The following ZNF253 variants were observed in gnomAD, a reference collection of about 807,000 sequenced individuals.
The protein encoded by ZNF253 is zinc finger protein 253, also known as DNA-binding protein.
Under a neutral mutation model 11.9 loss-of-function variants are expected in ZNF253, and 8 were observed. The ratio of observed to expected loss-of-function variants is 0.67; its 90% CI spans 0.40 to 1.22. The LOEUF is 1.22. ZNF253 is among the 50% of genes most tolerant of loss of function. The pLI, the probability that ZNF253 is intolerant of heterozygous loss-of-function variation, is 0.01. For synonymous variants in ZNF253, 194 were observed against 194.9 expected (o/e 1.00, Z 0.04); for missense variants, 485 against 586.9 (o/e 0.83, Z 1.79).
At chr19:19,875,110 A>AGTATC (rs2063149851) in intron 1 of ZNF253, among the ~76,000 whole-genome samples, 1 of 152,128 alleles carries the variant, frequency 6.6e-6, no homozygotes, top group Non-Finnish European at 1.5e-5. Flanking sequence ...GTCTTGCCTC[A>AGTATC]CAGAACTGAT....
chr19:19,866,448 G>T (rs899548682), intron 1 of ZNF253, among the ~76,000 whole-genome samples: 19 of 151,976 alleles, frequency 1.3e-4, no homozygotes, highest in African/African-American at 4.6e-4. Flanking sequence ...CTGAAGAAGA[G>T]TGCTGCTCGC....
intron 3 of ZNF253, among the ~76,000 whole-genome samples, chr19:19,884,944 GA>G (rs1297943629): frequency 6.6e-6 from 1 of 151,950 alleles, no homozygotes; most frequent in East Asian, 1.9e-4. Flanking sequence ...ATTTTTTTGA[GA>G]AAAATTTGTC....
rs538119517 is a variant in ZNF253 at position 19,891,877 on chromosome 19, C to G, written c.630C>G (p.Asn210Lys). 1.1e-5 allele frequency: 18 copies of G among 1,612,966 alleles called. No homozygotes were observed. The highest frequency in any genetic ancestry group is 1.4e-5 in the Non-Finnish European group (16 of 1,179,774). ...YRCEECGKAF[N>K]QSANLTTHKR... is the part of the protein sequence containing the mutation. ...GTGAAGAATGTGGCAAAGCTTTTAA[C>G]CAATCTGCAAACCTTACTACACATA... Residue 210 changes from asparagine to lysine, a missense_variant, in exon 4 of 4, where the codon AAC becomes AAG. Physicochemically the swap from Asn to Lys is moderately conservative, Grantham distance 94. Transcript: ENST00000589717.
At chr19:19,885,358 CT>C (rs1403691769) in intron 3 of ZNF253, among the ~76,000 whole-genome samples, 3 of 49,378 alleles carry the variant, frequency 6.1e-5, no homozygotes, top group Non-Finnish European at 9.2e-5. Flanking sequence ...TTCTTTCTTC[CT>C]TTCTTTTCTT....
intron 3 of ZNF253, among the ~76,000 whole-genome samples, chr19:19,883,164 T>C: frequency 6.6e-6 from 1 of 152,226 alleles, no homozygotes; most frequent in East Asian, 1.9e-4. Flanking sequence ...TGTTTAATGA[T>C]GAATATATAT....
In ZNF253 at chr19:19,891,702, T is replaced by G. The variant is rs376552764; in HGVS notation, c.455T>G (p.Val152Gly). ...EIFQCDKYGK[V>G]FHKFSNSNTY... ...TTTCAATGTGATAAATATGGAAAAG[T>G]CTTTCATAAGTTTTCAAATTCAAAC... Residue 152 changes from valine (V) to glycine (G), a missense_variant, in exon 4 of 4, where the codon GTC (valine) becomes GGC (glycine). Val to Gly is a moderately radical substitution (Grantham distance 109). Transcript: ENST00000589717. 2 of 1,613,962 alleles carry G rather than the reference T, an allele frequency of 1.2e-6. No homozygotes were observed. The highest frequency in any genetic ancestry group is 2.7e-5 in the African/African-American group (2 of 74,920).
rs369741758 is a variant in ZNF253 at position 19,892,594 on chromosome 19, G to T, written c.1347G>T (p.Glu449Asp). ...CACATAAGAGAATTCATACTGGAGA[G>T]AAACCTTACAAATGTGAAGAATGTG... Reference protein sequence around the residue: ...LTTHKRIHTGEKPYKCEECGK... With the variant: ...LTTHKRIHTGDKPYKCEECGK... The change falls in exon 4 of 4, where the codon GAG (glutamate) becomes GAT (aspartate). Residue 449 changes from glutamate (E) to aspartate (D), a missense_variant. Transcript: ENST00000589717. The T allele has an allele frequency of 1.4e-5, 22 of 1,613,884 alleles. No homozygotes were observed. Among genetic ancestry groups the T allele is most frequent in the Non-Finnish European group, 1.9e-5 (22 of 1,179,970 alleles).
chr19:19,868,749 G>C (rs1266671300), intron 1 of ZNF253, among the ~76,000 whole-genome samples: 1 of 152,022 alleles, frequency 6.6e-6, no homozygotes, highest in Non-Finnish European at 1.5e-5. Flanking sequence ...GGTTTGATGG[G>C]TGCAGCAAAC....
chr19:19,868,672 T>C (rs2063120994), intron 1 of ZNF253, among the ~76,000 whole-genome samples: 1 of 151,972 alleles, frequency 6.6e-6, no homozygotes, highest in African/African-American at 2.4e-5. Context: ...CTTTAAAAAG[T>C]TCCAAAAAAG....
intron 3 of ZNF253, among the ~76,000 whole-genome samples, chr19:19,886,948 T>C (rs553498778): frequency 6.6e-6 from 1 of 152,182 alleles, no homozygotes; most frequent in Non-Finnish European, 1.5e-5. Flanking sequence ...TGCTTCACTT[T>C]TGTCAATAGT....
intron 1 of ZNF253, among the ~76,000 whole-genome samples, chr19:19,873,188 A>G (rs2063141887): frequency 6.6e-6 from 1 of 150,536 alleles, no homozygotes; most frequent in Non-Finnish European, 1.5e-5. Flanking sequence ...GTAAATAAGC[A>G]TCTTAGGAGT....
rs907743506 is a variant in ZNF253 at position 19,892,737 on chromosome 19, G to A, written c.1490G>A (p.Ser497Asn). The A allele has an allele frequency of 6.3e-7, 1 of 1,580,090 alleles. No individual in the cohort carries two copies. Among genetic ancestry groups the A allele is most frequent in the African/African-American group, 1.4e-5 (1 of 73,058 alleles). ...TTAAATGTTCCTCCACTTTTAATTA[G>A]CATAAGATAATTCATACTGGAGAGA... ...DLLNVPPLLI[S>N]IR Residue 497 changes from serine to asparagine, a missense_variant, in exon 4 of 4, where the codon AGC (serine) becomes AAC (asparagine). By Grantham distance (46) the Ser-to-Asn change is conservative (BLOSUM62 1). Around this residue, in one of 3 missense-constraint regions of ZNF253, gnomAD observed 232 missense variants for 321.4 expected, o/e 0.72. Coordinates refer to ENST00000589717, the MANE Select transcript of ZNF253 (RefSeq NM_021047.3).
chr19:19,876,071 G>T (rs75722686), intron 1 of ZNF253, among the ~76,000 whole-genome samples: 2 of 146,546 alleles, frequency 1.4e-5, no homozygotes, highest in African/African-American at 2.5e-5. Flanking sequence ...GGATGGAGTT[G>T]GGTTGTCTTT....
At chr19:19,869,298 C>A (rs1225456251) in intron 1 of ZNF253, among the ~76,000 whole-genome samples, 1 of 152,082 alleles carries the variant, frequency 6.6e-6, no homozygotes, top group African/African-American at 2.4e-5. Flanking sequence ...ATCTTGCTTT[C>A]TATTTATTAC....
chr19:19,889,520 A>G (rs2063220248), intron 3 of ZNF253, among the ~76,000 whole-genome samples: 1 of 151,924 alleles, frequency 6.6e-6, no homozygotes, highest in Admixed American at 6.6e-5. Flanking sequence ...TGATTTTTGT[A>G]TTTTTAGTAG....
intron 1 of ZNF253, among the ~76,000 whole-genome samples, chr19:19,868,621 A>T (rs1373468749): frequency 2.6e-5 from 4 of 151,926 alleles, no homozygotes; most frequent in Admixed American, 2.0e-4. Context: ...TTTCAAGTGC[A>T]TACAGTGTGT....
intron 3 of ZNF253, among the ~76,000 whole-genome samples, chr19:19,890,349 G>C (rs1396653377): frequency 1.3e-5 from 2 of 152,114 alleles, no homozygotes; most frequent in Non-Finnish European, 2.9e-5. Flanking sequence ...GACTCAAACT[G>C]TCATTCTAAC....
Position 19,891,635 on chromosome 19 carries a change from A to G in ZNF253, c.388A>G (p.Asn130Asp). The change falls in exon 4 of 4, where the codon AAT becomes GAT. Residue 130 changes from asparagine (N) to aspartate (D), a missense_variant. Asn to Asp is a conservative substitution (Grantham distance 23). This residue lies in a region of ZNF253 where 218 missense variants were observed against 213.1 expected (regional missense o/e 1.02). Coordinates refer to ENST00000589717, the MANE Select transcript of ZNF253 (RefSeq NM_021047.3). ...GEHKVHKGGYNGLNQCLTTTQ... is the reference protein window; with the variant it reads ...GEHKVHKGGYDGLNQCLTTTQ... ...GCATAAGGTGCACAAAGGAGGTTAT[A>G]ATGGACTTAACCAATGTTTGACAAC... is the stretch of plus-strand genomic sequence containing the variant. 3 of 1,614,152 alleles carry G rather than the reference A, an allele frequency of 1.9e-6. No individual in the cohort carries two copies. Among genetic ancestry groups the G allele is most frequent in the East Asian group, 2.2e-5 (1 of 44,866 alleles).
intron 3 of ZNF253, among the ~76,000 whole-genome samples, chr19:19,882,510 C>A (rs1385916229): frequency 6.6e-6 from 1 of 151,958 alleles, no homozygotes; most frequent in Non-Finnish European, 1.5e-5. Flanking sequence ...TCAAGCAGTT[C>A]TCATGTCTCA....
Sources: allele counts gnomAD v4.1 joint callset (sites outside exome capture counted in the v4.1 genomes callset), GRCh38; gene constraint gnomAD v4.1.1; regional missense constraint gnomAD v4.1.1; transcripts MANE v1.5; gene names NCBI Gene and HGNC (gene_info 2026-07-23, HGNC 2026-07-21).